CATSPERE: variants seen among roughly 807,000 people sequenced by gnomAD.
CATSPERE encodes catsper channel auxiliary subunit epsilon.
Under a neutral mutation model 114.1 loss-of-function variants are expected in CATSPERE, and 93 were observed. The ratio of observed to expected loss-of-function variants is 0.81; its 90% CI spans 0.69 to 0.97. The LOEUF (loss-of-function observed/expected upper bound fraction) is 0.97, where lower values mean the gene tolerates loss of function less well. CATSPERE is among the 50% of genes least tolerant of loss of function. The pLI, the probability that CATSPERE is intolerant of heterozygous loss-of-function variation, is 0.00. For missense variants in CATSPERE, 1,058 were observed against 1,131.6 expected (o/e 0.93, Z 0.93); for synonymous variants, 341 against 384.1 (o/e 0.89, Z 1.31).
At chr1:244,567,178 C>T (rs183255952) in intron 10 of CATSPERE, among the ~76,000 whole-genome samples, 4 of 152,316 alleles carry the variant, frequency 2.6e-5, no homozygotes, top group Admixed American at 2.6e-4. Context: ...TTGTCCCCCA[C>T]TCTCTTCTGG....
At chr1:244,514,869 G>C (rs1279354851) in intron 7 of CATSPERE, among the ~76,000 whole-genome samples, 2 of 151,108 alleles carry the variant, frequency 1.3e-5, no homozygotes, top group African/African-American at 4.9e-5. Flanking sequence ...GGAAAAATTG[G>C]TGAAATCTGA....
At chr1:244,477,259 G>C (rs1669522803) in intron 2 of CATSPERE, among the ~76,000 whole-genome samples, 1 of 152,178 alleles carries the variant, frequency 6.6e-6, no homozygotes, top group African/African-American at 2.4e-5. Flanking sequence ...GCCTCCCAAA[G>C]TGCTAGGATT....
intron 8 of CATSPERE, among the ~76,000 whole-genome samples, chr1:244,522,784 G>A (rs572692060): frequency 8.2e-4 from 125 of 152,204 alleles, no homozygotes; most frequent in Middle Eastern, 3.4e-3. Flanking sequence ...GACTAAACCA[G>A]GAAGAAGCTG....
intron 21 of CATSPERE, among the ~76,000 whole-genome samples, chr1:244,638,822 A>G (rs1362390019): frequency 3.3e-5 from 5 of 152,256 alleles, no homozygotes; most frequent in Non-Finnish European, 5.9e-5. Context: ...TAACTTCTAC[A>G]TGTATCTTAG....
At chr1:244,540,505 G>A (rs202198790) in intron 8 of CATSPERE, among the ~76,000 whole-genome samples, 120,174 of 139,000 alleles carry the variant, frequency 0.86, 52,931 homozygotes, top group East Asian at 1. Flanking sequence ...AAATAAAAGA[G>A]GATACAAACA....
intron 20 of CATSPERE, among the ~76,000 whole-genome samples, chr1:244,620,932 G>T (rs1672013298): frequency 6.8e-6 from 1 of 147,006 alleles, no homozygotes; most frequent in Non-Finnish European, 1.5e-5. Context: ...AGAACCTAAG[G>T]CTTTGAAGGG....
At chr1:244,542,546 G>C (rs1048357219) in intron 8 of CATSPERE, among the ~76,000 whole-genome samples, 1 of 151,910 alleles carries the variant, frequency 6.6e-6, no homozygotes, top group African/African-American at 2.4e-5. Context: ...TGTACCTGTT[G>C]TTTAGCTCCC....
intron 8 of CATSPERE, among the ~76,000 whole-genome samples, chr1:244,548,017 T>A (rs1041664570): frequency 6.6e-6 from 1 of 152,214 alleles, no homozygotes; most frequent in Non-Finnish European, 1.5e-5. Context: ...GCTGGATGAT[T>A]AGGTACTTCA....
At chr1:244,467,995 T>A (rs1667883015) in intron 2 of CATSPERE, among the ~76,000 whole-genome samples, 1 of 152,236 alleles carries the variant, frequency 6.6e-6, no homozygotes, top group African/African-American at 2.4e-5. Flanking sequence ...TTTCAATATC[T>A]ATTTTTAGCT....
At chr1:244,619,763 GGACACATTAAATGGGATTTAAAAAAT>G (rs1355202786) in intron 20 of CATSPERE, among the ~76,000 whole-genome samples, 5 of 152,034 alleles carry the variant, frequency 3.3e-5, no homozygotes, top group African/African-American at 1.2e-4. Flanking sequence ...ACTGACAATA[GGACACATTAAATGGGATTTAAAAAAT>G]GACATTTTAT....
At chr1:244,570,519 T>G (rs1035296585) in intron 10 of CATSPERE, among the ~76,000 whole-genome samples, 5 of 152,246 alleles carry the variant, frequency 3.3e-5, no homozygotes, top group Non-Finnish European at 7.3e-5. Flanking sequence ...ATTTTTAGTC[T>G]TTCTTATTTT....
intron 5 of CATSPERE, among the ~76,000 whole-genome samples, chr1:244,482,251 G>A (rs996288958): frequency 6.6e-6 from 1 of 152,152 alleles, no homozygotes; most frequent in Non-Finnish European, 1.5e-5. Flanking sequence ...AGGATTGCTT[G>A]AGCCCAGGGG....
At chr1:244,525,435 C>T (rs559020056) in intron 8 of CATSPERE, among the ~76,000 whole-genome samples, 157 of 151,866 alleles carry the variant, frequency 1.0e-3, no homozygotes, top group African/African-American at 3.7e-3. Context: ...CACATGTATA[C>T]ATATGTAACT....
chr1:244,492,074 A>G (rs2148235332), intron 6 of CATSPERE, among the ~76,000 whole-genome samples: 1 of 152,276 alleles, frequency 6.6e-6, no homozygotes, highest in Non-Finnish European at 1.5e-5. Context: ...AAAAGAGGGA[A>G]TCCTCCCTAA....
At chr1:244,617,033 A>G (rs1671482769) in intron 19 of CATSPERE, among the ~76,000 whole-genome samples, 1 of 152,214 alleles carries the variant, frequency 6.6e-6, no homozygotes, top group African/African-American at 2.4e-5. Flanking sequence ...TTAACAGAGT[A>G]ACTTTTAAAA....
Position 244,499,009 on chromosome 1 carries a change from C to T in CATSPERE, c.359C>T (p.Thr120Ile). 1 of 1,611,564 alleles carries T rather than the reference C, an allele frequency of 6.2e-7. No individual in the cohort carries two copies. Among genetic ancestry groups the T allele is most frequent in the Non-Finnish European group, 8.5e-7 (1 of 1,177,918 alleles). The change falls in exon 7 of 22, where the codon ACT becomes ATT. Residue 120 changes from threonine (T) to isoleucine (I), a missense_variant. Around this residue, in one of 2 missense-constraint regions of CATSPERE, gnomAD observed 271 missense variants for 225.9 expected, o/e 1.20. Transcript: ENST00000366534. ...HFFNNFTQLI[T>I]VWAYDPESAD... ...ACAAATTTTATTTTCTAGCTTATCA[C>T]TGTGTGGGCATATGATCCAGAAAGT...
At chr1:244,457,145 G>T (rs1666233070), upstream of CATSPERE, among the ~76,000 whole-genome samples, 1 of 152,178 alleles carries the variant, frequency 6.6e-6, no homozygotes, top group South Asian at 2.1e-4. Context: ...AGAGCTGAAA[G>T]AAATTATTTA....
At chr1:244,451,797 G>A, upstream of CATSPERE, 1 of 1,593,700 alleles carries the variant, frequency 6.3e-7, no homozygotes, top group Non-Finnish European at 8.5e-7. The surrounding 1 kb of genome is among the most constrained non-coding windows in gnomAD (Gnocchi z 6.6). Flanking sequence ...ATGCCGCCGG[G>A]TAGGTCTCGG....
At chr1:244,625,428 A>ATTTTTTTTT (rs1234328450) in intron 20 of CATSPERE, among the ~76,000 whole-genome samples, 39 of 3,740 alleles carry the variant, frequency 0.01, no homozygotes, top group Non-Finnish European at 0.022. Context: ...ATATATATAT[A>ATTTTTTTTT]TATATTTTTT....
Sources: allele counts gnomAD v4.1 joint callset (sites outside exome capture counted in the v4.1 genomes callset), GRCh38; gene constraint gnomAD v4.1.1; regional missense constraint gnomAD v4.1.1; non-coding constraint Gnocchi (gnomAD v3.1); transcripts MANE v1.5; gene names NCBI Gene and HGNC (gene_info 2026-07-23, HGNC 2026-07-21).